Variants in STK11 observed in about 807,000 individuals in gnomAD.
The protein encoded by STK11 is serine/threonine-protein kinase STK11.
STK11 carries 8 observed loss-of-function variants against 47.3 expected under a neutral mutation model. The ratio of observed to expected loss-of-function variants is 0.17; its 90% CI spans 0.10 to 0.31. The LOEUF (loss-of-function observed/expected upper bound fraction) is 0.31, where lower values mean the gene tolerates loss of function less well. Ranked by LOEUF, STK11 falls within the 10% of genes least tolerant of loss-of-function variation. STK11 has a pLI of 1.00. For synonymous variants in STK11, 330 were observed against 255.8 expected (o/e 1.29, Z -2.77); for missense variants, 475 against 605.0 (o/e 0.79, Z 2.25).
At chr19:1,208,499 G>A (rs1443106352) in intron 1 of STK11, among the ~76,000 whole-genome samples, 3 of 151,078 alleles carry the variant, frequency 2.0e-5, no homozygotes, top group Admixed American at 6.6e-5. Context: ...CAGTAGAGAC[G>A]GGGTTTCACC....
Position 1,205,812 on chromosome 19 carries a change from G to T in STK11, c.-1102G>T. The T allele has an allele frequency of 4.8e-6, 1 of 207,054 alleles. No individual in the cohort carries two copies. The highest frequency in any genetic ancestry group is 1.7e-4 in the South Asian group (1 of 5,732). 12.8% of individuals were successfully genotyped at this position (207,054 alleles called of 1,614,324 possible). ...AAGATGGCGGCGGCGTGTCGGGCGC[G>T]GAAGGGGGAGGCGGCCCGGGGCGCC... On this transcript the variant is annotated 5_prime_UTR_variant, in exon 1 of 10. Transcript: ENST00000326873.
At chr19:1,218,373 C>T (rs555896969) in intron 1 of STK11, 44 bp from the exon 2 acceptor site, 1 of 1,541,694 alleles carries the variant, frequency 6.5e-7, no homozygotes, top group East Asian at 2.2e-5. Context: ...GGCCATCATC[C>T]TGACGTTGGG....
rs2145424737 is a variant in STK11 at position 1,220,512 on chromosome 19, A to G, written c.597+7A>G. 2 of 1,599,716 alleles carry G rather than the reference A, an allele frequency of 1.3e-6. No individual in the cohort carries two copies. Among genetic ancestry groups the G allele is most frequent in the Non-Finnish European group, 1.7e-6 (2 of 1,173,392 alleles). On this transcript the variant is annotated splice_region_variant and intron_variant, in intron 4 of 9. Coordinates refer to ENST00000326873, the MANE Select transcript of STK11 (RefSeq NM_000455.5). ...CGACCTGGGCGTGGCCGAGGTAGGC[A>G]CGTGCTAGGGGGGGCCCTGGGGCGC...
intron 8 of STK11, chr19:1,223,756 G>A: frequency 1.9e-6 from 2 of 1,041,060 alleles, no homozygotes; most frequent in Non-Finnish European, 2.3e-6. Context: ...GCCTGAGGAG[G>A]AGCTCAGGGC....
At position 1,206,954 on chromosome 19, in the gene STK11, A is replaced by G. The variant is rs750708224; in HGVS notation, c.41A>G (p.Glu14Gly). 3 of 1,606,480 alleles carry G rather than the reference A, an allele frequency of 1.9e-6. No individual in the cohort carries two copies. Among genetic ancestry groups the G allele is most frequent in the South Asian group, 1.1e-5 (1 of 89,750 alleles). ...CCGCAGCAGCTGGGCATGTTCACGG[A>G]GGGCGAGCTGATGTCGGTGGGTATG... is the stretch of plus-strand genomic sequence containing the variant. Reference protein sequence around the residue: ...VDPQQLGMFTEGELMSVGMDT... With the variant: ...VDPQQLGMFTGGELMSVGMDT... Residue 14 changes from glutamate to glycine, a missense_variant, in exon 1 of 10, where the codon GAG (glutamate) becomes GGG (glycine). Glu to Gly is a moderately conservative substitution (Grantham distance 98). This residue lies in a region of STK11 where 33 missense variants were observed against 26.8 expected (regional missense o/e 1.23). Coordinates refer to ENST00000326873, the MANE Select transcript of STK11 (RefSeq NM_000455.5).
chr19:1,224,012 GT>G (rs1363314057), intron 8 of STK11: 34 of 1,007,498 alleles, frequency 3.4e-5, no homozygotes, highest in Non-Finnish European at 3.8e-5. Context: ...TGAGGACCCA[GT>G]GCACAGGGTC....
intron 7 of STK11, among the ~76,000 whole-genome samples, chr19:1,222,349 G>A (rs1357234785): frequency 2.0e-5 from 3 of 152,212 alleles, no homozygotes; most frequent in Non-Finnish European, 2.9e-5. Context: ...AGCAGGGTGT[G>A]GCTGGGATCC....
intron 8 of STK11, 114 bp from the exon 9 acceptor site, chr19:1,226,340 G>A: frequency 6.6e-7 from 1 of 1,506,016 alleles, no homozygotes; most frequent in Non-Finnish European, 8.9e-7. Flanking sequence ...CCCGGGGGCG[G>A]GCATGGCCTG....
rs1247102370 is a variant in STK11 at position 1,226,484 on chromosome 19, A to G, written c.1139A>G (p.Asn380Ser). 2.5e-6 allele frequency: 4 copies of G among 1,611,272 alleles called. No homozygotes were observed. The highest frequency in any genetic ancestry group is 1.3e-5 in the African/African-American group (1 of 74,906). ...GTCCCAGAAGAGGAGGCCAGTCACA[A>G]TGGACAGCGCCGGGGCCTCCCCAAG... The part of the protein sequence containing the change: ...GQVPEEEASH[N>S]GQRRGLPKAV... Residue 380 changes from asparagine (N) to serine (S), a missense_variant, in exon 9 of 10, where the codon AAT (asparagine) becomes AGT (serine). By Grantham distance (46) the Asn-to-Ser change is conservative (BLOSUM62 1). Coordinates refer to ENST00000326873, the MANE Select transcript of STK11 (RefSeq NM_000455.5).
intron 8 of STK11, chr19:1,224,993 C>G: frequency 4.1e-6 from 4 of 985,608 alleles, no homozygotes; most frequent in Non-Finnish European, 4.8e-6. Context: ...TCTGCCGGGG[C>G]TGCTGCATCG....
At chr19:1,224,108 T>G (rs1029718134) in intron 8 of STK11, 4 of 992,456 alleles carry the variant, frequency 4.0e-6, no homozygotes, top group Non-Finnish European at 4.8e-6. Context: ...GGGCCCCTCA[T>G]CAAACCCCTA....
chr19:1,212,154 C>T (rs886981932), intron 1 of STK11, among the ~76,000 whole-genome samples: 2 of 152,000 alleles, frequency 1.3e-5, no homozygotes, highest in African/African-American at 4.8e-5. Flanking sequence ...AATGTTGGTT[C>T]CTCTCTCAGG....
At chr19:1,221,421 G>C (rs886801125) in intron 6 of STK11, 81 bp downstream of exon 6, 2 of 1,475,074 alleles carry the variant, frequency 1.4e-6, no homozygotes, top group Admixed American at 2.3e-5. Flanking sequence ...GTGTCAGGTG[G>C]GGGGCTATTG....
At chr19:1,223,292 TC>T in intron 8 of STK11, 120 bp downstream of exon 8, 1 of 1,247,000 alleles carries the variant, frequency 8.0e-7, no homozygotes, top group Non-Finnish European at 1.1e-6. Context: ...CAATCCCACG[TC>T]CCCAAAGCCT....
chr19:1,222,602 G>A (rs539439823), intron 7 of STK11, among the ~76,000 whole-genome samples: 10 of 152,254 alleles, frequency 6.6e-5, no homozygotes, highest in Middle Eastern at 6.8e-3. Context: ...TCTCTGCACA[G>A]CTCGGGTCAT....
chr19:1,215,095 C>A (rs2080736432), intron 1 of STK11, among the ~76,000 whole-genome samples: 1 of 152,198 alleles, frequency 6.6e-6, no homozygotes, highest in Non-Finnish European at 1.5e-5. Flanking sequence ...TGGGGCTGAG[C>A]CGGGCCTCTC....
intron 8 of STK11, chr19:1,226,155 G>C (rs1037067514): frequency 9.7e-6 from 12 of 1,236,882 alleles, no homozygotes; most frequent in Non-Finnish European, 1.2e-5. Flanking sequence ...CCTCCTACTC[G>C]TGAGGTTCCT....
intron 5 of STK11, 90 bp downstream of exon 5, chr19:1,220,807 C>T (rs2080778159): frequency 7.3e-6 from 11 of 1,512,478 alleles, no homozygotes; most frequent in Admixed American, 2.1e-5. Flanking sequence ...GGGCGCAGGG[C>T]GTGGCCACCG....
chr19:1,207,730 G>A (rs2080677953), intron 1 of STK11, among the ~76,000 whole-genome samples: 1 of 152,224 alleles, frequency 6.6e-6, no homozygotes, highest in African/African-American at 2.4e-5. Context: ...TCAGCAGGAG[G>A]GAAACGTAGC....
Sources: allele counts gnomAD v4.1 joint callset (sites outside exome capture counted in the v4.1 genomes callset), GRCh38; gene constraint gnomAD v4.1.1; regional missense constraint gnomAD v4.1.1; transcripts MANE v1.5; gene names NCBI Gene and HGNC (gene_info 2026-07-23, HGNC 2026-07-21).